PRTFDC1: variants seen among roughly 807,000 people sequenced by gnomAD.
The protein encoded by PRTFDC1 is phosphoribosyl transferase domain containing 1, also known as phosphoribosyltransferase domain-containing protein 1.
Under a neutral mutation model 34.6 loss-of-function variants are expected in PRTFDC1, and 38 were observed. The observed-to-expected ratio is 1.10, with a 90% confidence interval of 0.85 to 1.44. The LOEUF (loss-of-function observed/expected upper bound fraction) is 1.44, where lower values mean the gene tolerates loss of function less well. PRTFDC1 is among the 40% of genes most tolerant of loss of function. The pLI is 0.00. For missense variants in PRTFDC1, 270 were observed against 283.0 expected (o/e 0.95, Z 0.33); for synonymous variants, 93 against 98.1 (o/e 0.95, Z 0.31).
intron 3 of PRTFDC1, among the ~76,000 whole-genome samples, chr10:24,920,732 G>C (rs1848775810): frequency 6.6e-6 from 1 of 152,064 alleles, no homozygotes; most frequent in East Asian, 1.9e-4. Context: ...AGTCATTCTA[G>C]TAGATGTATT....
chr10:24,906,701 G>C (rs1484310011), intron 3 of PRTFDC1, among the ~76,000 whole-genome samples: 2 of 152,210 alleles, frequency 1.3e-5, no homozygotes, highest in Non-Finnish European at 2.9e-5. Flanking sequence ...AAATAAAAAG[G>C]AGATTGCTAT....
chr10:24,879,931 G>A (rs1051638486), intron 3 of PRTFDC1, among the ~76,000 whole-genome samples: 4 of 152,164 alleles, frequency 2.6e-5, no homozygotes, highest in African/African-American at 9.7e-5. Flanking sequence ...TGTGGGGTGA[G>A]TGGGGAGAAG....
chr10:24,849,773 G>T lies in PRTFDC1; in HGVS notation c.*71C>A. ...TGAAGATGCCTGGGGGGACAAACTT[G>T]ACAGCTGGCTTCCCAAGTACAGGCG... is the stretch of plus-strand genomic sequence containing the variant. On this transcript the variant is annotated 3_prime_UTR_variant, in exon 9 of 9. Coordinates refer to ENST00000320152, the MANE Select transcript of PRTFDC1 (RefSeq NM_020200.7). 6.7e-7 allele frequency: 1 copy of T among 1,492,620 alleles called. No individual in the cohort carries two copies. The highest frequency in any genetic ancestry group is 1.1e-5 in the South Asian group (1 of 87,012). 92.5% of individuals were successfully genotyped at this position (1,492,620 alleles called of 1,614,324 possible). A position where few individuals can be genotyped will look rare whatever the true frequency, so the allele number is the denominator to read the frequency against.
At chr10:24,904,585 CCACCTCTTGGAT>C (rs1848502563) in intron 3 of PRTFDC1, among the ~76,000 whole-genome samples, 1 of 152,158 alleles carries the variant, frequency 6.6e-6, no homozygotes, top group Non-Finnish European at 1.5e-5. Flanking sequence ...ACCTTCAATG[CCACCTCTTGGAT>C]CACCTGGCTC....
At chr10:24,918,934 G>T (rs979892266) in intron 3 of PRTFDC1, among the ~76,000 whole-genome samples, 1 of 152,118 alleles carries the variant, frequency 6.6e-6, no homozygotes, top group African/African-American at 2.4e-5. Flanking sequence ...TCTTGAATCA[G>T]CCTGTGTAGT....
intron 3 of PRTFDC1, among the ~76,000 whole-genome samples, chr10:24,918,251 T>C (rs188948576): frequency 3.3e-5 from 5 of 152,298 alleles, no homozygotes; most frequent in Admixed American, 2.0e-4. Context: ...CTTATCTCCA[T>C]GCCATTACAT....
chr10:24,938,792 G>A (rs1849096144), intron 2 of PRTFDC1, among the ~76,000 whole-genome samples: 1 of 152,234 alleles, frequency 6.6e-6, no homozygotes, highest in Non-Finnish European at 1.5e-5. Flanking sequence ...AGTGAAGGCT[G>A]TGTACATGTG....
At chr10:24,855,430 A>G in intron 6 of PRTFDC1, 66 bp from the exon 7 acceptor site, 1 of 1,564,158 alleles carries the variant, frequency 6.4e-7, no homozygotes, top group Non-Finnish European at 8.8e-7. Context: ...AATAGAATCA[A>G]GCATCATTAA....
intron 4 of PRTFDC1, among the ~76,000 whole-genome samples, chr10:24,861,622 C>T (rs1424160220): frequency 6.6e-6 from 1 of 151,936 alleles, no homozygotes; most frequent in African/African-American, 2.4e-5. Context: ...TTTTGCTTCC[C>T]AGAGACAGTC....
intron 5 of PRTFDC1, among the ~76,000 whole-genome samples, chr10:24,858,126 CAAA>C (rs1216269342): frequency 2.6e-5 from 4 of 152,118 alleles, no homozygotes; most frequent in Non-Finnish European, 5.9e-5. Flanking sequence ...GTCTGATTCA[CAAA>C]GAAGTATAAG....
chr10:24,919,851 G>C (rs1848755354), intron 3 of PRTFDC1, among the ~76,000 whole-genome samples: 1 of 151,992 alleles, frequency 6.6e-6, no homozygotes, highest in Non-Finnish European at 1.5e-5. Flanking sequence ...AGACATTTAA[G>C]TGGCCAACAA....
In PRTFDC1 at chr10:24,952,400, C is replaced by CG. The variant is rs1306315426; in HGVS notation, c.48+127dup. On this transcript the variant is annotated intron_variant, in intron 1 of 8. Coordinates refer to ENST00000320152, the MANE Select transcript of PRTFDC1 (RefSeq NM_020200.7). The surrounding 1 kb of genome is among the most constrained non-coding windows in gnomAD (Gnocchi z 5.1). The stretch of plus-strand genomic sequence containing the variant: ...CGGGTCCGAGGATGGAAGCGATCCC[C>CG]GCCGGGAGGGAGAACAAAGCGGTGG... 8.8e-7 allele frequency: 1 copy of CG among 1,131,912 alleles called. No individual in the cohort carries two copies. Among genetic ancestry groups the CG allele is most frequent in the Admixed American group, 2.1e-5 (1 of 48,348 alleles). 70.1% of individuals were successfully genotyped at this position (1,131,912 alleles called of 1,614,324 possible). A position where few individuals can be genotyped will look rare whatever the true frequency, so the allele number is the denominator to read the frequency against.
chr10:24,896,976 G>T (rs1029629918), intron 3 of PRTFDC1, among the ~76,000 whole-genome samples: 1 of 152,164 alleles, frequency 6.6e-6, no homozygotes, highest in Non-Finnish European at 1.5e-5. Context: ...TCAGAAGACT[G>T]AGGTGGGAGA....
intron 7 of PRTFDC1, among the ~76,000 whole-genome samples, chr10:24,852,577 T>C (rs1188681823): frequency 2.0e-5 from 3 of 152,152 alleles, no homozygotes; most frequent in African/African-American, 4.8e-5. Context: ...ACTACAGGCA[T>C]GCAAAACTAC....
intron 4 of PRTFDC1, among the ~76,000 whole-genome samples, chr10:24,864,523 G>C (rs1195615077): frequency 6.6e-6 from 1 of 152,124 alleles, no homozygotes; most frequent in Non-Finnish European, 1.5e-5. Context: ...CCCTCCACCA[G>C]CAAAAAGATG....
intron 3 of PRTFDC1, among the ~76,000 whole-genome samples, chr10:24,899,701 A>G (rs771655844): frequency 2.0e-5 from 3 of 152,218 alleles, no homozygotes; most frequent in Non-Finnish European, 4.4e-5. Flanking sequence ...CAAAGAAAAA[A>G]TACAACATGG....
At chr10:24,931,909 A>G (rs1410275799) in intron 3 of PRTFDC1, among the ~76,000 whole-genome samples, 3 of 97,016 alleles carry the variant, frequency 3.1e-5, no homozygotes, top group Non-Finnish European at 6.2e-5. Context: ...AAAAGGCACT[A>G]TAAGAAAAAA....
intron 3 of PRTFDC1, among the ~76,000 whole-genome samples, chr10:24,879,502 C>T (rs981990562): frequency 6.6e-6 from 1 of 152,078 alleles, no homozygotes; most frequent in Non-Finnish European, 1.5e-5. Flanking sequence ...TGCCACCATG[C>T]CCGGCTGATT....
chr10:24,856,995 CCTTTG>C lies in PRTFDC1; in HGVS notation c.424-5_424-1del, dbSNP rs1847589793. 2 of 1,611,942 alleles carry C rather than the reference CCTTTG, an allele frequency of 1.2e-6. No individual in the cohort carries two copies. The highest frequency in any genetic ancestry group is 2.2e-5 in the South Asian group (2 of 91,058). The stretch of plus-strand genomic sequence containing the variant: ...ATGGTCCTCCCAGTTCCGACAACAT[CCTTTG>C]CAAAAAGGACAGATAAATTCAACAA... On this transcript the variant is annotated splice_acceptor_variant and splice_polypyrimidine_tract_variant and intron_variant, in intron 5 of 8. Coordinates refer to ENST00000320152, the MANE Select transcript of PRTFDC1 (RefSeq NM_020200.7). LOFTEE classifies it high-confidence loss of function.
Sources: allele counts gnomAD v4.1 joint callset (sites outside exome capture counted in the v4.1 genomes callset), GRCh38; gene constraint gnomAD v4.1.1; non-coding constraint Gnocchi (gnomAD v3.1); transcripts MANE v1.5; gene names NCBI Gene and HGNC (gene_info 2026-07-23, HGNC 2026-07-21).